The following ERV3-1 variants were observed in gnomAD, a reference collection of about 807,000 sequenced individuals.
The protein encoded by ERV3-1 is endogenous retrovirus group 3 member 1 Env polyprotein.
Under a neutral mutation model 24.6 loss-of-function variants are expected in ERV3-1, and 36 were observed. The observed-to-expected ratio is 1.47, with a 90% CI of 1.12 to 1.94. The LOEUF is 1.94. Ranked by LOEUF, ERV3-1 falls within the 30% of genes most tolerant of loss-of-function variation. The pLI, the probability that ERV3-1 is intolerant of heterozygous loss-of-function variation, is 0.00. For missense variants in ERV3-1, 578 were observed against 330.9 expected (o/e 1.75, Z -5.79); for synonymous variants, 211 against 122.6 (o/e 1.72, Z -4.76).
At position 64,992,504 on chromosome 7, in the gene ERV3-1, GGTTA is replaced by G; in HGVS notation, c.519_522del (p.Gln175AsnfsTer3). On this transcript the variant is annotated frameshift_variant, in exon 2 of 2. Transcript: ENST00000394323. LOFTEE classifies it high-confidence loss of function. ...AGCATAATTGGCCCTAGTGATTGTT[GGTTA>G]GTGGACCACGTTGTGCAGTCCCAGC... 1 of 766,314 alleles carries G rather than the reference GGTTA, an allele frequency of 1.3e-6. No individual in the cohort carries two copies. Among genetic ancestry groups the G allele is most frequent in the South Asian group, 1.3e-5 (1 of 74,618 alleles). The allele number at this position is 766,314 out of a possible 1,614,324, so 47.5% of individuals were successfully genotyped here.
At chr7:65,001,796 AAC>A (rs1000269361) in intron 1 of ERV3-1, among the ~76,000 whole-genome samples, 51 of 152,316 alleles carry the variant, frequency 3.3e-4, no homozygotes, top group Middle Eastern at 6.8e-3. Context: ...CTTCAAAACC[AAC>A]ACATTGTCTA....
chr7:64,997,319 G>A (rs1382059503), intron 1 of ERV3-1, among the ~76,000 whole-genome samples: 1 of 152,162 alleles, frequency 6.6e-6, no homozygotes, highest in Non-Finnish European at 1.5e-5. Flanking sequence ...AAACACTCTA[G>A]CTTTTGCAGC....
chr7:64,992,386 G>C lies in ERV3-1; in HGVS notation c.641C>G (p.Thr214Arg). 1 of 766,368 alleles carries C rather than the reference G, an allele frequency of 1.3e-6. No homozygotes were observed. Among genetic ancestry groups the C allele is most frequent in the Non-Finnish European group, 2.4e-6 (1 of 417,902 alleles). The allele number at this position is 766,368 out of a possible 1,614,324, so 47.5% of individuals were successfully genotyped here. A position where few individuals can be genotyped will look rare whatever the true frequency, so the allele number is the denominator to read the frequency against. ...TGCCCCTAGCGGTGCTTTTAAACCTGTTGTCCATATGGGCTGATCTGGCTC... is the reference window on the plus strand; with the variant it reads ...TGCCCCTAGCGGTGCTTTTAAACCTCTTGTCCATATGGGCTGATCTGGCTC... ...ILEPDQPIWT[T>R]GLKAPLGARV... Residue 214 changes from threonine to arginine, a missense_variant, in exon 2 of 2, where the codon ACA (threonine) becomes AGA (arginine). Transcript: ENST00000394323.
chr7:65,005,696 T>C (rs777293747), intron 1 of ERV3-1, among the ~76,000 whole-genome samples: 11 of 152,134 alleles, frequency 7.2e-5, no homozygotes, highest in Admixed American at 5.2e-4. Flanking sequence ...GGAGAAGTCT[T>C]GAGACCCTGC....
chr7:64,997,773 G>A (rs568618622), intron 1 of ERV3-1, among the ~76,000 whole-genome samples: 2 of 152,314 alleles, frequency 1.3e-5, no homozygotes, highest in Non-Finnish European at 2.9e-5. Context: ...TGGATTTTGT[G>A]TCTGAAAAAT....
At position 64,991,641 on chromosome 7, in the gene ERV3-1, A is replaced by G. The variant is rs375824965; in HGVS notation, c.1386T>C (p.Tyr462=). ...KQGEALGYPI[Y]DETKRKSKRG... ...TTTTGCTTTTCCTTTTAGTTTCATCATAGATGGGGTATCCTAAGGCTTCTC... is the reference window on the plus strand; with the variant it reads ...TTTTGCTTTTCCTTTTAGTTTCATCGTAGATGGGGTATCCTAAGGCTTCTC... Residue 462 remains tyrosine, a synonymous_variant, in exon 2 of 2, where the codon TAT becomes TAC. Transcript: ENST00000394323. The G allele has an allele frequency of 2.8e-6, 2 of 705,700 alleles. No homozygotes were observed. The highest frequency in any genetic ancestry group is 5.2e-6 in the Non-Finnish European group (2 of 385,952). The allele number at this position is 705,700 out of a possible 1,614,324, so 43.7% of individuals were successfully genotyped here. A position where few individuals can be genotyped will look rare whatever the true frequency, so the allele number is the denominator to read the frequency against.
In ERV3-1 at chr7:64,992,623, A is replaced by G. The variant is rs1331719630; in HGVS notation, c.404T>C (p.Val135Ala). The G allele has an allele frequency of 1.3e-6, 1 of 766,418 alleles. No homozygotes were observed. Among genetic ancestry groups the G allele is most frequent in the Admixed American group, 1.7e-5 (1 of 59,022 alleles). The allele number at this position is 766,418 out of a possible 1,614,324, so 47.5% of individuals were successfully genotyped here. A position where few individuals can be genotyped will look rare whatever the true frequency, so the allele number is the denominator to read the frequency against. ...QIVSMGSLFP[V>A]IFSSMEYYSS... ...ATAGTACTCCATGGAACTGAAGATT[A>G]CGGGAAAGAGTGAGCCCATGGATAC... Residue 135 changes from valine (V) to alanine (A), a missense_variant, in exon 2 of 2, where the codon GTA becomes GCA. Val to Ala is a moderately conservative substitution (Grantham distance 64). Transcript: ENST00000394323.
In ERV3-1 at chr7:65,006,049, C is replaced by A. The variant is rs143790589; in HGVS notation, c.-389+492G>T. 3.0e-3 allele frequency: 485 copies of A among 160,082 alleles called. 1 individual carries two copies. The highest frequency in any genetic ancestry group is 0.011 in the African/African-American group (463 of 41,618). The allele number at this position is 160,082 out of a possible 1,614,324, so 9.9% of individuals were successfully genotyped here. A position where few individuals can be genotyped will look rare whatever the true frequency, so the allele number is the denominator to read the frequency against. ...GTTTTCTTCAAGCCCCTTCCATAAA[C>A]CACAAACTACAAAACATAGCTTGGT... On this transcript the variant is annotated intron_variant, in intron 1 of 1. Coordinates refer to ENST00000394323, the MANE Select transcript of ERV3-1 (RefSeq NM_001007253.4).
Position 64,990,398 on chromosome 7 carries a change from G to T in ERV3-1, c.*814C>A, listed in dbSNP as rs145691835. 4.4e-3 allele frequency: 815 copies of T among 184,914 alleles called. 8 individuals carry two copies. The highest frequency in any genetic ancestry group is 0.018 in the African/African-American group (746 of 41,686). 11.5% of individuals were successfully genotyped at this position (184,914 alleles called of 1,614,324 possible). A position where few individuals can be genotyped will look rare whatever the true frequency, so the allele number is the denominator to read the frequency against. On this transcript the variant is annotated 3_prime_UTR_variant, in exon 2 of 2. Transcript: ENST00000394323. ...TTTTATTTAGGTGGCCACTGGCCCA[G>T]CGGATTAACATCCAAAGGCTGAGCC...
In ERV3-1 at chr7:64,992,497, G is replaced by A. The variant is rs761965719; in HGVS notation, c.530C>T (p.Ser177Leu). ...DCTTWSTNQQ[S>L]LGPIMLTKIP... ...TTTGGTAAGCATAATTGGCCCTAGT[G>A]ATTGTTGGTTAGTGGACCACGTTGT... The change falls in exon 2 of 2, where the codon TCA becomes TTA. Residue 177 changes from serine to leucine, a missense_variant. Transcript: ENST00000394323. 2 of 766,364 alleles carry A rather than the reference G, an allele frequency of 2.6e-6. No homozygotes were observed. The highest frequency in any genetic ancestry group is 2.7e-5 in the South Asian group (2 of 74,616). 47.5% of individuals were successfully genotyped at this position (766,364 alleles called of 1,614,324 possible). A position where few individuals can be genotyped will look rare whatever the true frequency, so the allele number is the denominator to read the frequency against.
In ERV3-1 at chr7:64,991,028, C is replaced by T; in HGVS notation, c.*184G>A. 3 of 501,960 alleles carry T rather than the reference C, an allele frequency of 6.0e-6. No homozygotes were observed. Among genetic ancestry groups the T allele is most frequent in the Non-Finnish European group, 1.1e-5 (3 of 284,352 alleles). The allele number at this position is 501,960 out of a possible 1,614,324, so 31.1% of individuals were successfully genotyped here. A position where few individuals can be genotyped will look rare whatever the true frequency, so the allele number is the denominator to read the frequency against. The stretch of plus-strand genomic sequence containing the variant: ...GGCAGGGGTTAATACTTAGTTAGGG[C>T]CATTAGTCGTGTGGTAGTCCGTCTG... On this transcript the variant is annotated 3_prime_UTR_variant, in exon 2 of 2. Transcript: ENST00000394323.
chr7:64,996,137 C>T (rs551554997), intron 1 of ERV3-1, among the ~76,000 whole-genome samples: 6 of 152,256 alleles, frequency 3.9e-5, no homozygotes, highest in South Asian at 2.1e-4. Context: ...GTATGGTCAC[C>T]GTGGCTTGGT....
At chr7:65,001,655 G>A (rs1252624877) in intron 1 of ERV3-1, among the ~76,000 whole-genome samples, 1 of 152,172 alleles carries the variant, frequency 6.6e-6, no homozygotes, top group East Asian at 1.9e-4. Context: ...ACAATGGGCA[G>A]TGTGACAGCC....
At chr7:65,002,999 C>G (rs1366653202) in intron 1 of ERV3-1, among the ~76,000 whole-genome samples, 1 of 152,186 alleles carries the variant, frequency 6.6e-6, no homozygotes, top group East Asian at 1.9e-4. Context: ...TGCCTCAAAA[C>G]AGTAACAATT....
chr7:64,991,334 A>G lies in ERV3-1; in HGVS notation c.1693T>C (p.Cys565Arg). ...CAGTTAGTAAGGTTGAACTTTCCGC[A>G]TACTCCCTCTTCCTGGGCTAGGAGG... ...DYLLAQEEGV[C>R]GKFNLTNCCL... is the part of the protein sequence containing the mutation. The change falls in exon 2 of 2, where the codon TGC becomes CGC. Residue 565 changes from cysteine (C) to arginine (R), a missense_variant. Transcript: ENST00000394323. 3 of 706,172 alleles carry G rather than the reference A, an allele frequency of 4.2e-6. No homozygotes were observed. The highest frequency in any genetic ancestry group is 7.8e-6 in the Non-Finnish European group (3 of 385,880). The allele number at this position is 706,172 out of a possible 1,614,324, so 43.7% of individuals were successfully genotyped here.
Position 64,993,175 on chromosome 7 carries a change from T to C in ERV3-1, c.-149A>G, listed in dbSNP as rs1276538177. 5 of 599,286 alleles carry C rather than the reference T, an allele frequency of 8.3e-6. No homozygotes were observed. The highest frequency in any genetic ancestry group is 8.3e-5 in the East Asian group (3 of 36,342). 37.1% of individuals were successfully genotyped at this position (599,286 alleles called of 1,614,324 possible). On this transcript the variant is annotated 5_prime_UTR_variant, in exon 2 of 2. It removes an upstream start codon present in the reference 5' UTR. Transcript: ENST00000394323. ...TGATGACTCAAGCTTCGGCCGTGCA[T>C]AGACTAGTCAGCTTCTGGGGTGACT... is the stretch of plus-strand genomic sequence containing the variant.
rs200872730 is a variant in ERV3-1, at chr7:64,992,678, C to T, written c.349G>A (p.Val117Ile). The T allele has an allele frequency of 1.8e-4, 141 of 765,998 alleles. No individual in the cohort carries two copies. Among genetic ancestry groups the T allele is most frequent in the Admixed American group, 6.4e-4 (38 of 58,996 alleles). The allele number at this position is 765,998 out of a possible 1,614,324, so 47.5% of individuals were successfully genotyped here. ...TGGCAAACATCAAAGTATAAGGATA[C>T]GACATCCTTGCCAGAGGGAAATACC... ...TKVFPSGKDV[V>I]SLYFDVCQIV... is the part of the protein sequence containing the mutation. Residue 117 changes from valine to isoleucine, a missense_variant, in exon 2 of 2, where the codon GTA becomes ATA. Coordinates refer to ENST00000394323, the MANE Select transcript of ERV3-1 (RefSeq NM_001007253.4).
chr7:65,005,503 G>A (rs555884303), intron 1 of ERV3-1, among the ~76,000 whole-genome samples: 12 of 152,226 alleles, frequency 7.9e-5, no homozygotes, highest in African/African-American at 2.9e-4. Flanking sequence ...GCCAGCCAAT[G>A]CTTTGTCAAA....
chr7:64,999,493 G>A (rs1015145304), intron 1 of ERV3-1, among the ~76,000 whole-genome samples: 3 of 152,172 alleles, frequency 2.0e-5, no homozygotes, highest in Non-Finnish European at 4.4e-5. Flanking sequence ...ACAGGGGCGG[G>A]TCAGGTTTTT....
Sources: gnomAD v4.1 joint callset for allele counts (sites outside exome capture counted in the v4.1 genomes callset) on GRCh38, gnomAD v4.1.1 for gene constraint, MANE v1.5 for transcripts, NCBI Gene and HGNC (gene_info 2026-07-23, HGNC 2026-07-21) for gene names.